The following CSMD1 variants were observed in gnomAD, a reference collection of about 807,000 sequenced individuals.
CSMD1 encodes CUB and Sushi multiple domains 1.
CSMD1 carries 213 observed loss-of-function variants against 417.5 expected under a neutral mutation model. The observed-to-expected ratio is 0.51, with a 90% CI of 0.46 to 0.57. The LOEUF (loss-of-function observed/expected upper bound fraction) is 0.57, where lower values mean the gene tolerates loss of function less well. CSMD1 is among the 20% of genes least tolerant of loss of function. The pLI, the probability that CSMD1 is intolerant of heterozygous loss-of-function variation, is 0.00. For missense variants in CSMD1, 6,923 were observed against 4,529.7 expected, an observed-to-expected ratio of 1.53 and a Z score of -15.17; for synonymous variants, 2,862 against 1,736.8, an observed-to-expected ratio of 1.65 and a Z score of -16.11.
rs748646392 is a variant in CSMD1 at position 2,966,580 on chromosome 8, G to A, written c.9090C>T (p.Pro3030=). The A allele has an allele frequency of 2.1e-5, 34 of 1,613,378 alleles. No homozygotes were observed. The highest frequency in any genetic ancestry group is 3.3e-5 in the Admixed American group (2 of 59,988). The change falls in exon 58 of 70, where the codon CCC becomes CCT. Residue 3030 remains proline, a synonymous_variant. Coordinates refer to ENST00000635120, the MANE Select transcript of CSMD1 (RefSeq NM_033225.6). ...TANGTWTGTA[P]DCTIISCGDP... ...TGTCTGCTTACTAACTTGTGCAGTC[G>A]GGAGCAGTGCCTGTCCAGGTCCCAT...
chr8:3,876,367 G>T (rs559345329), intron 5 of CSMD1, among the ~76,000 whole-genome samples: 15 of 152,222 alleles, frequency 9.9e-5, no homozygotes, highest in Admixed American at 9.2e-4. Context: ...GTATAGTGTT[G>T]TCCTAGAGTA....
chr8:4,629,514 G>C lies in CSMD1; in HGVS notation c.302+7828C>G, dbSNP rs192902424. On this transcript the variant is annotated intron_variant, in intron 2 of 69. Coordinates refer to ENST00000635120, the MANE Select transcript of CSMD1 (RefSeq NM_033225.6). ...TCTAGAAGTGCATCTTACAAATTAAGAGAAACAATTCTTTGTCTTTCATAC... is the reference window on the plus strand; with the variant it reads ...TCTAGAAGTGCATCTTACAAATTAACAGAAACAATTCTTTGTCTTTCATAC... 4.3e-3 allele frequency among the ~76,000 whole-genome samples: 660 copies of C among 152,238 alleles called. 3 individuals are homozygous for C. Among genetic ancestry groups the C allele is most frequent in the African/African-American group, 0.015 (635 of 41,540 alleles).
At chr8:3,301,939 CTT>C (rs978541303) in intron 25 of CSMD1, among the ~76,000 whole-genome samples, 10 of 151,794 alleles carry the variant, frequency 6.6e-5, no homozygotes, top group Non-Finnish European at 1.5e-4. Flanking sequence ...ATTCTATGCA[CTT>C]TTTTTTCAGT....
rs375950289 is a variant in CSMD1 at position 4,167,802 on chromosome 8, C to G, written c.416-135703G>C. ...TTCAGGAGTTTGAGACTAGCCTGGG[C>G]AACATACTCAGACTCCATCTCTACC... On this transcript the variant is annotated intron_variant, in intron 3 of 69. Transcript: ENST00000635120. Among the ~76,000 whole-genome samples, 213 of 152,162 alleles carry G rather than the reference C, an allele frequency of 1.4e-3. 6 individuals carry two copies. In the South Asian group the frequency reaches 0.043, roughly 31 times the overall value.
chr8:3,838,576 T>C (rs1239872175), intron 5 of CSMD1, among the ~76,000 whole-genome samples: 6 of 142,880 alleles, frequency 4.2e-5, no homozygotes, highest in Non-Finnish European at 7.5e-5. Flanking sequence ...AGTCTCTCTA[T>C]ATATCTATAG....
chr8:4,850,884 T>A (rs977660188), intron 1 of CSMD1, among the ~76,000 whole-genome samples: 2 of 152,090 alleles, frequency 1.3e-5, no homozygotes, highest in East Asian at 3.9e-4. Flanking sequence ...TGAACCTTTA[T>A]GCATTGAAGA....
At chr8:3,550,256 T>C (rs76974309) in intron 10 of CSMD1, among the ~76,000 whole-genome samples, 5,083 of 152,164 alleles carry the variant, frequency 0.033, 108 homozygotes, top group Middle Eastern at 0.065. Flanking sequence ...TCTCACCACC[T>C]GTCACCAGGC....
intron 1 of CSMD1, among the ~76,000 whole-genome samples, chr8:4,741,581 G>T (rs988746881): frequency 6.6e-6 from 1 of 152,188 alleles, no homozygotes; most frequent in Non-Finnish European, 1.5e-5. Context: ...ATCTTAACAT[G>T]TGTCTCGAGG....
intron 5 of CSMD1, among the ~76,000 whole-genome samples, chr8:3,846,196 T>C (rs1803491595): frequency 6.6e-6 from 1 of 152,196 alleles, no homozygotes; most frequent in Non-Finnish European, 1.5e-5. Context: ...GGCTTTTATA[T>C]AACACACTAT....
chr8:2,954,848 C>T (rs1262107837), intron 64 of CSMD1, among the ~76,000 whole-genome samples: 2 of 152,150 alleles, frequency 1.3e-5, no homozygotes, highest in Non-Finnish European at 2.9e-5. Flanking sequence ...GCAAGGGAAA[C>T]AAAAGTCTCT....
chr8:3,514,188 T>C (rs1293482354), intron 10 of CSMD1, among the ~76,000 whole-genome samples: 1 of 152,172 alleles, frequency 6.6e-6, no homozygotes, highest in Non-Finnish European at 1.5e-5. Flanking sequence ...CAATCCCTCA[T>C]GAAGACATGC....
At chr8:4,582,694 G>T (rs548899821) in intron 2 of CSMD1, among the ~76,000 whole-genome samples, 1 of 152,158 alleles carries the variant, frequency 6.6e-6, no homozygotes, top group Non-Finnish European at 1.5e-5. Context: ...GCTCGCTCTC[G>T]GCGCCTCCTC....
intron 9 of CSMD1, among the ~76,000 whole-genome samples, chr8:3,575,366 T>A (rs1002342959): frequency 6.6e-6 from 1 of 152,120 alleles, no homozygotes; most frequent in Non-Finnish European, 1.5e-5. Flanking sequence ...AATACCAAAG[T>A]AGCCCATTTC....
intron 3 of CSMD1, among the ~76,000 whole-genome samples, chr8:4,064,616 C>T (rs1799148546): frequency 6.6e-6 from 1 of 152,184 alleles, no homozygotes; most frequent in African/African-American, 2.4e-5. Context: ...GCAAGGCTCC[C>T]AACACCTGTG....
chr8:3,623,736 G>A (rs769536048), intron 7 of CSMD1, among the ~76,000 whole-genome samples: 5 of 152,100 alleles, frequency 3.3e-5, no homozygotes, highest in Admixed American at 6.5e-5. Flanking sequence ...AGCACTTTGG[G>A]AGGCCAAGGC....
intron 5 of CSMD1, among the ~76,000 whole-genome samples, chr8:3,812,033 G>A (rs538898820): frequency 1.3e-5 from 2 of 150,210 alleles, no homozygotes; most frequent in African/African-American, 2.4e-5. Context: ...TGCTTAGTGA[G>A]AAAAAAAAAA....
In CSMD1 at chr8:3,307,809, C is replaced by G; in HGVS notation, c.3836G>C (p.Gly1279Ala). ...TCCTGATGTGGCTGCATGGATCTGA[C>G]CACCACATTCCGCTGTAGAAGACAC... ...PLPSCIAECG[G>A]QIHAATSGRI... The change falls in exon 25 of 70, where the codon GGT becomes GCT. Residue 1279 changes from glycine (G) to alanine (A), a missense_variant. Gly to Ala is a moderately conservative substitution (Grantham distance 60). Transcript: ENST00000635120. 1 of 1,612,764 alleles carries G rather than the reference C, an allele frequency of 6.2e-7. No homozygotes were observed. Among genetic ancestry groups the G allele is most frequent in the Non-Finnish European group, 8.5e-7 (1 of 1,179,328 alleles).
At chr8:3,977,298 C>A (rs79635371) in intron 5 of CSMD1, among the ~76,000 whole-genome samples, 114 of 152,222 alleles carry the variant, frequency 7.5e-4, no homozygotes, top group African/African-American at 2.6e-3. Context: ...TCCCTGAAGA[C>A]AGATCCCATT....
chr8:3,374,862 C>G (rs1016711124), intron 18 of CSMD1, among the ~76,000 whole-genome samples: 4 of 152,240 alleles, frequency 2.6e-5, no homozygotes, highest in East Asian at 1.9e-4. Flanking sequence ...CAGACCCTGC[C>G]AAAGTCTTCT....
Sources: gnomAD v4.1 joint callset for allele counts (sites outside exome capture counted in the v4.1 genomes callset) on GRCh38, gnomAD v4.1.1 for gene constraint, MANE v1.5 for transcripts, NCBI Gene and HGNC (gene_info 2026-07-23, HGNC 2026-07-21) for gene names.